Variants in SEC31A observed in about 807,000 individuals in gnomAD.
SEC31A encodes the protein protein transport protein Sec31A.
A neutral mutation model predicts 151.0 loss-of-function variants in SEC31A; 70 were observed. The ratio of observed to expected loss-of-function variants is 0.46; its 90% CI spans 0.38 to 0.57. The LOEUF is 0.57. SEC31A is among the 20% of genes least tolerant of loss of function. The pLI is 0.00. For missense variants in SEC31A, 1,330 were observed against 1,471.2 expected, an observed-to-expected ratio of 0.90 and a Z score of 1.57; for synonymous variants, 475 against 505.9, an observed-to-expected ratio of 0.94 and a Z score of 0.82.
At position 82,871,712 on chromosome 4, in the gene SEC31A, G is replaced by A. The variant is rs554881767; in HGVS notation, c.782+232C>T. 756 of 544,386 alleles carry A rather than the reference G, an allele frequency of 1.4e-3. 1 individual carries two copies. Among genetic ancestry groups the A allele is most frequent in the Non-Finnish European group, 2.1e-3 (669 of 314,236 alleles). The allele number at this position is 544,386 out of a possible 1,614,324, so 33.7% of individuals were successfully genotyped here. ...AAAATTTCCTGGCATGGTGGCTTGCGCCTGTAATCCCAGCTACTCAGGAGG... is the reference window on the plus strand; with the variant it reads ...AAAATTTCCTGGCATGGTGGCTTGCACCTGTAATCCCAGCTACTCAGGAGG... On this transcript the variant is annotated intron_variant, in intron 7 of 26. Coordinates refer to ENST00000395310, the MANE Select transcript of SEC31A (RefSeq NM_001077207.4).
chr4:82,878,775 G>A lies in SEC31A; in HGVS notation c.357C>T (p.Asp119=). ...AGGCTCTCACTGGGCCAGTATGCTT[G>A]TCATTCTGGGCAATCACAACTTCCT... The part of the protein sequence containing the change: ...GDKEVVIAQN[D]KHTGPVRALD... The change falls in exon 4 of 27, where the codon GAC becomes GAT. Residue 119 remains aspartate (D), a synonymous_variant. Coordinates refer to ENST00000395310, the MANE Select transcript of SEC31A (RefSeq NM_001077207.4). 1 of 1,614,058 alleles carries A rather than the reference G, an allele frequency of 6.2e-7. No homozygotes were observed. The highest frequency in any genetic ancestry group is 8.5e-7 in the Non-Finnish European group (1 of 1,179,944).
intron 9 of SEC31A, 75 bp from the exon 10 acceptor site, chr4:82,867,035 AT>A: frequency 1.3e-6 from 2 of 1,562,868 alleles, no homozygotes; most frequent in Non-Finnish European, 8.7e-7. Context: ...ATCCAAAAAA[AT>A]TTTTGATCAC....
chr4:82,842,892 T>A (rs1423836750), intron 21 of SEC31A: 2 of 171,720 alleles, frequency 1.2e-5, no homozygotes, highest in African/African-American at 4.8e-5. Flanking sequence ...CAGACCTCCC[T>A]CCCAATAAGA....
chr4:82,850,798 T>C (rs1231780666), intron 19 of SEC31A, among the ~76,000 whole-genome samples: 3 of 152,212 alleles, frequency 2.0e-5, no homozygotes, highest in Middle Eastern at 3.2e-3. Context: ...CATAGCCAAA[T>C]TGAGTTTGGA....
At chr4:82,831,519 C>G (rs1725935973) in intron 22 of SEC31A, among the ~76,000 whole-genome samples, 1 of 152,294 alleles carries the variant, frequency 6.6e-6, no homozygotes, top group Non-Finnish European at 1.5e-5. Flanking sequence ...ACGAATGCTG[C>G]TGGTCCAACA....
chr4:82,895,512 TATTA>T (rs1192450012), upstream of SEC31A: 1 of 152,242 alleles, frequency 6.6e-6, no homozygotes, highest in Non-Finnish European at 1.5e-5. Context: ...GAATTGAATC[TATTA>T]ATTAAAAAAA....
chr4:82,890,775 G>A, intron 1 of SEC31A: 2 of 1,250,420 alleles, frequency 1.6e-6, no homozygotes, highest in South Asian at 2.4e-5. Context: ...GGGTCTGAAA[G>A]TCTCCTAATC....
At chr4:82,874,940 G>A (rs1737572312) in intron 5 of SEC31A, among the ~76,000 whole-genome samples, 189 bp from the exon 6 acceptor site, 1 of 152,116 alleles carries the variant, frequency 6.6e-6, no homozygotes. Context: ...TAAAATGCAG[G>A]TACATACCAC....
Position 82,853,715 on chromosome 4 carries a change from T to G in SEC31A, c.2009A>C (p.Asp670Ala), listed in dbSNP as rs766730581. The G allele has an allele frequency of 9.4e-6, 15 of 1,601,144 alleles. No homozygotes were observed. Among genetic ancestry groups the G allele is most frequent in the Middle Eastern group, 3.3e-4 (2 of 6,054 alleles). ...ATTTTCAAGCCTGGTTCCCAAAAGA[T>G]CTGTAAGTAAGAGGAAAATAAAATA... Reference protein sequence around the residue: ...AKPDEFSALCDLLGTRLENEG... With the variant: ...AKPDEFSALCALLGTRLENEG... Residue 670 changes from aspartate to alanine, a missense_variant and splice_region_variant, in exon 18 of 27, where the codon GAT becomes GCT. By Grantham distance (126) the Asp-to-Ala change is moderately radical (BLOSUM62 -2). Coordinates refer to ENST00000395310, the MANE Select transcript of SEC31A (RefSeq NM_001077207.4).
chr4:82,822,602 T>C (rs1426414097), intron 25 of SEC31A, among the ~76,000 whole-genome samples: 1 of 152,174 alleles, frequency 6.6e-6, no homozygotes, highest in Non-Finnish European at 1.5e-5. Context: ...GAAAATAAGA[T>C]ACATCCATGC....
At chr4:82,885,296 T>C (rs1740427385) in intron 1 of SEC31A, among the ~76,000 whole-genome samples, 1 of 152,204 alleles carries the variant, frequency 6.6e-6, no homozygotes, top group African/African-American at 2.4e-5. Flanking sequence ...TACCATATTT[T>C]ACTTTGGTTT....
At chr4:82,851,264 C>T (rs191854635) in intron 19 of SEC31A, among the ~76,000 whole-genome samples, 167 bp downstream of exon 19, 1 of 152,302 alleles carries the variant, frequency 6.6e-6, no homozygotes, top group Non-Finnish European at 1.5e-5. Flanking sequence ...TTAGATACAC[C>T]TAAAATGATC....
rs56888042 is a variant in SEC31A at position 82,837,199 on chromosome 4, A to ATATATATATAT, written c.2968+4940_2968+4941insATATATATATA. On this transcript the variant is annotated intron_variant, in intron 22 of 26. Coordinates refer to ENST00000395310, the MANE Select transcript of SEC31A (RefSeq NM_001077207.4). Reference sequence around the variant, plus strand: ...TATATATATATATATATATATATATAATTTCACCACAATAAAAACTTTAAT... The same window carrying ATATATATATAT: ...TATATATATATATATATATATATATATATATATATATATTTCACCACAATAAAAACTTTAAT... Among the ~76,000 whole-genome samples the ATATATATATAT allele has an allele frequency of 3.8e-3, 318 of 83,114 alleles. 39 individuals are homozygous for ATATATATATAT. The highest frequency in any genetic ancestry group is 5.8e-3 in the South Asian group (14 of 2,420). The allele number at this position is 83,114 out of a possible 152,430, so 54.5% of individuals were successfully genotyped here. A position where few individuals can be genotyped will look rare whatever the true frequency, so the allele number is the denominator to read the frequency against.
intron 22 of SEC31A, among the ~76,000 whole-genome samples, chr4:82,841,111 C>T (rs6839005): frequency 1 from 151,885 of 152,326 alleles, 75,722 homozygotes; most frequent in Non-Finnish European, 1. Flanking sequence ...TGTACAAAAA[C>T]ATACTTTTTC....
At chr4:82,882,174 C>T (rs988095233) in intron 1 of SEC31A, among the ~76,000 whole-genome samples, 3 of 152,040 alleles carry the variant, frequency 2.0e-5, no homozygotes, top group Non-Finnish European at 2.9e-5. Context: ...GAGGCCAAGG[C>T]GGGCGGATCA....
At chr4:82,898,102 A>C (rs975367363) in intron 3 of SEC31A, 1 of 152,150 alleles carries the variant, frequency 6.6e-6, no homozygotes, top group Non-Finnish European at 1.5e-5. Flanking sequence ...TTTGTGCAAT[A>C]GTCAATGCCT....
intron 25 of SEC31A, among the ~76,000 whole-genome samples, chr4:82,822,327 G>T (rs1040990244): frequency 6.6e-6 from 1 of 151,832 alleles, no homozygotes; most frequent in Non-Finnish European, 1.5e-5. Flanking sequence ...TTGGGAGTTG[G>T]GGGTAATAAA....
At chr4:82,877,048 A>T (rs1738125700) in intron 4 of SEC31A, among the ~76,000 whole-genome samples, 1 of 151,952 alleles carries the variant, frequency 6.6e-6, no homozygotes, top group Non-Finnish European at 1.5e-5. Context: ...GACCAGCTTG[A>T]CCAACACGAA....
intron 24 of SEC31A, 102 bp from the exon 25 acceptor site, chr4:82,824,776 T>C (rs932708157): frequency 1.3e-5 from 16 of 1,264,786 alleles, no homozygotes; most frequent in South Asian, 6.9e-5. Context: ...ACCTTGTACA[T>C]AGACCTATTC....
Sources: gnomAD v4.1 joint callset for allele counts (sites outside exome capture counted in the v4.1 genomes callset) on GRCh38, gnomAD v4.1.1 for gene constraint, MANE v1.5 for transcripts, NCBI Gene and HGNC (gene_info 2026-07-23, HGNC 2026-07-21) for gene names.